The following IPO11 variants were observed in gnomAD, a reference collection of about 807,000 sequenced individuals.
IPO11 encodes importin 11.
IPO11 carries 66 observed loss-of-function variants against 143.2 expected under a neutral mutation model. The observed-to-expected ratio is 0.46, with a 90% confidence interval of 0.38 to 0.57. The LOEUF (loss-of-function observed/expected upper bound fraction) is 0.57. IPO11 is among the 20% of genes least tolerant of loss of function. The probability of loss-of-function intolerance (pLI) is 0.00; values close to 1 mark genes in which losing one functional copy is unlikely to be tolerated. For synonymous variants in IPO11, 385 were observed against 377.8 expected (o/e 1.02, Z -0.22); for missense variants, 1,026 against 1,141.0 (o/e 0.90, Z 1.45).
chr5:62,436,256 A>T (rs153856), intron 1 of IPO11, among the ~76,000 whole-genome samples: 43,641 of 152,002 alleles, frequency 0.29, 6,982 homozygotes, highest in East Asian at 0.46. Context: ...CTGCAATTTA[A>T]TTGTAATTAT....
intron 19 of IPO11, among the ~76,000 whole-genome samples, chr5:62,506,791 T>A (rs998001398): frequency 1.3e-5 from 2 of 152,172 alleles, no homozygotes; most frequent in African/African-American, 4.8e-5. Context: ...CTCTTAACAG[T>A]TCAGTTATTC....
intron 3 of IPO11, chr5:62,449,712 A>G (rs985665632): frequency 1.1e-5 from 4 of 372,840 alleles, no homozygotes; most frequent in Admixed American, 9.2e-5. Context: ...TTCATTTACC[A>G]GAACCAATTA....
At chr5:62,625,791 T>A (rs1746546458) in intron 29 of IPO11, among the ~76,000 whole-genome samples, 1 of 152,210 alleles carries the variant, frequency 6.6e-6, no homozygotes, top group South Asian at 2.1e-4. Flanking sequence ...TATTAGACAC[T>A]TATATAAGCT....
intron 1 of IPO11, among the ~76,000 whole-genome samples, chr5:62,421,887 A>G (rs554899714): frequency 6.6e-6 from 1 of 152,370 alleles, no homozygotes; most frequent in Non-Finnish European, 1.5e-5. Flanking sequence ...CTTATAAGAT[A>G]CAGCTTTATA....
chr5:62,531,875 C>G (rs1030257896), intron 22 of IPO11, among the ~76,000 whole-genome samples: 11 of 152,032 alleles, frequency 7.2e-5, no homozygotes, highest in African/African-American at 2.7e-4. Context: ...TATCTAGAGT[C>G]CCCATAAAAG....
chr5:62,528,645 A>T lies in IPO11; in HGVS notation c.2013-2064A>T, dbSNP rs114394348. ...AACTGGAGGCAGAAGGTGGTTTTCC[A>T]AATTTTGTAGTGGAATGAGATAGGG... On this transcript the variant is annotated intron_variant, in intron 21 of 29. Coordinates refer to ENST00000325324, the MANE Select transcript of IPO11 (RefSeq NM_016338.5). Among the ~76,000 whole-genome samples, 645 of 152,306 alleles carry T rather than the reference A, an allele frequency of 4.2e-3. 2 individuals are homozygous for T. The highest frequency in any genetic ancestry group is 5.6e-3 in the Non-Finnish European group (384 of 68,024).
intron 3 of IPO11, among the ~76,000 whole-genome samples, chr5:62,446,650 C>G (rs1046170287): frequency 2.6e-5 from 4 of 152,048 alleles, no homozygotes; most frequent in African/African-American, 4.8e-5. Flanking sequence ...GATACGAGTC[C>G]TTTGTCAAAT....
intron 29 of IPO11, among the ~76,000 whole-genome samples, chr5:62,612,500 G>A (rs2112467057): frequency 6.6e-6 from 1 of 152,292 alleles, no homozygotes; most frequent in East Asian, 1.9e-4. Context: ...CAGATTGAAT[G>A]CAGAAATAGA....
At chr5:62,488,663 A>G (rs1039193779) in intron 13 of IPO11, among the ~76,000 whole-genome samples, 12 of 152,316 alleles carry the variant, frequency 7.9e-5, no homozygotes, top group African/African-American at 2.9e-4. Flanking sequence ...AAAGCCTTGT[A>G]AAAATGCCAG....
At chr5:62,470,742 T>G in intron 7 of IPO11, among the ~76,000 whole-genome samples, 1 of 150,368 alleles carries the variant, frequency 6.7e-6, no homozygotes, top group Middle Eastern at 3.2e-3. Context: ...AAAATAAATA[T>G]ATAAGAGAAA....
chr5:62,583,231 G>T (rs1457163843), intron 27 of IPO11, among the ~76,000 whole-genome samples: 1 of 151,886 alleles, frequency 6.6e-6, no homozygotes, highest in East Asian at 1.9e-4. Flanking sequence ...ATTACTAAAA[G>T]TACTTGTTCA....
In IPO11 at chr5:62,437,426, T is replaced by C. The variant is rs944019850; in HGVS notation, c.138+9T>C. The C allele has an allele frequency of 6.3e-7, 1 of 1,591,356 alleles. No homozygotes were observed. Among genetic ancestry groups the C allele is most frequent in the African/African-American group, 1.4e-5 (1 of 73,894 alleles). ...TCTATTCAGTGTTGCTGGTAAGTTG[T>C]TCTAAAATTGTTTGCTTTTCTTTTT... On this transcript the variant is annotated intron_variant, in intron 2 of 29. Coordinates refer to ENST00000325324, the MANE Select transcript of IPO11 (RefSeq NM_016338.5).
At chr5:62,584,382 G>C (rs1267960692) in intron 27 of IPO11, among the ~76,000 whole-genome samples, 1 of 151,998 alleles carries the variant, frequency 6.6e-6, no homozygotes, top group Non-Finnish European at 1.5e-5. Context: ...TGGATCACTT[G>C]AGCTCAGGAA....
At chr5:62,544,892 G>C (rs1003972024) in intron 24 of IPO11, among the ~76,000 whole-genome samples, 13 of 152,284 alleles carry the variant, frequency 8.5e-5, no homozygotes, top group African/African-American at 3.1e-4. Flanking sequence ...ACTTACAAGG[G>C]ATGTGAAGGA....
intron 29 of IPO11, among the ~76,000 whole-genome samples, chr5:62,602,239 G>A (rs968137122): frequency 4.0e-5 from 6 of 151,870 alleles, no homozygotes; most frequent in Admixed American, 2.0e-4. Context: ...TGCATCACAG[G>A]CTTTTATAAA....
intron 28 of IPO11, among the ~76,000 whole-genome samples, chr5:62,600,799 CT>C (rs1745478187): frequency 1.3e-5 from 2 of 152,192 alleles, no homozygotes; most frequent in African/African-American, 4.8e-5. Flanking sequence ...GGTTCTTACT[CT>C]TTGATCCCAC....
At chr5:62,417,677 A>G (rs1410017016) in intron 1 of IPO11, among the ~76,000 whole-genome samples, 1 of 152,184 alleles carries the variant, frequency 6.6e-6, no homozygotes, top group East Asian at 1.9e-4. Flanking sequence ...ACTTCAATGC[A>G]CACTCTTCAT....
intron 28 of IPO11, among the ~76,000 whole-genome samples, chr5:62,598,394 T>TGC (rs1745313764): frequency 2.4e-4 from 2 of 8,426 alleles, no homozygotes; most frequent in Non-Finnish European, 3.6e-4. Context: ...CTTGCTTGCT[T>TGC]TCTTTCTTTC....
intron 2 of IPO11, among the ~76,000 whole-genome samples, chr5:62,440,349 CTT>C (rs747340732): frequency 3.9e-4 from 52 of 132,080 alleles, no homozygotes; most frequent in Admixed American, 1.1e-3. Context: ...TGTACGTCCC[CTT>C]TTTTTTTTTT....
Sources: gnomAD v4.1 joint callset for allele counts (sites outside exome capture counted in the v4.1 genomes callset) on GRCh38, gnomAD v4.1.1 for gene constraint, MANE v1.5 for transcripts, NCBI Gene and HGNC (gene_info 2026-07-23, HGNC 2026-07-21) for gene names.